Variants in FAM149B1 observed in about 807,000 individuals in gnomAD.
FAM149B1 encodes primary cilium assembly protein FAM149B1.
FAM149B1 carries 56 observed loss-of-function variants against 75.3 expected under a neutral mutation model. That is an observed-to-expected ratio of 0.74 (90% CI 0.60 to 0.93). The LOEUF (loss-of-function observed/expected upper bound fraction) is 0.93. FAM149B1 is among the 40% of genes least tolerant of loss of function. The probability of loss-of-function intolerance (pLI) is 0.00; values close to 1 mark genes in which losing one functional copy is unlikely to be tolerated. For missense variants in FAM149B1, 639 were observed against 708.4 expected (o/e 0.90, Z 1.11); for synonymous variants, 259 against 256.1 (o/e 1.01, Z -0.11).
chr10:73,173,670 C>T (rs1021428852), intron 1 of FAM149B1, among the ~76,000 whole-genome samples: 2 of 152,210 alleles, frequency 1.3e-5, no homozygotes, highest in African/African-American at 4.8e-5. Flanking sequence ...TAATAGCCTA[C>T]TGTTGACTGG....
At chr10:73,191,785 A>G (rs1029209175) in intron 3 of FAM149B1, among the ~76,000 whole-genome samples, 2 of 152,172 alleles carry the variant, frequency 1.3e-5, no homozygotes, top group African/African-American at 2.4e-5. Context: ...TTAGCAATCT[A>G]TCTTTGAACG....
At chr10:73,172,406 A>G (rs1843752930) in intron 1 of FAM149B1, among the ~76,000 whole-genome samples, 1 of 152,236 alleles carries the variant, frequency 6.6e-6, no homozygotes, top group South Asian at 2.1e-4. Context: ...CCAGATTACT[A>G]GGATTTGAAT....
intron 5 of FAM149B1, among the ~76,000 whole-genome samples, chr10:73,197,512 G>A (rs2042834082): frequency 6.6e-6 from 1 of 152,162 alleles, no homozygotes; most frequent in Non-Finnish European, 1.5e-5. Flanking sequence ...GCTCACGCCT[G>A]TAATCCTAGC....
rs1394865485 is a variant in FAM149B1 at position 73,233,290 on chromosome 10, T to C, written c.1352+127T>C. 56 of 706,440 alleles carry C rather than the reference T, an allele frequency of 7.9e-5. 1 individual carries two copies. Among genetic ancestry groups the C allele is most frequent in the Non-Finnish European group, 8.6e-5 (36 of 419,092 alleles). 43.8% of individuals were successfully genotyped at this position (706,440 alleles called of 1,614,324 possible). ...AATCATTAAGTAGTCTTATGACAGA[T>C]TGCCCATGGGTTTAGATCCAACACA... On this transcript the variant is annotated intron_variant, in intron 10 of 13. Transcript: ENST00000242505.
intron 10 of FAM149B1, 23 bp from the exon 11 acceptor site, chr10:73,234,794 G>GT: frequency 1.3e-6 from 2 of 1,550,094 alleles, no homozygotes; most frequent in Non-Finnish European, 1.7e-6. Context: ...TCATACCTTC[G>GT]TGTTTGTTGG....
At chr10:73,183,686 T>C (rs1306561375) in intron 3 of FAM149B1, 2 of 152,098 alleles carry the variant, frequency 1.3e-5, no homozygotes, top group African/African-American at 2.4e-5. Flanking sequence ...CTGGACAAAA[T>C]GGTGAGGTGC....
intron 4 of FAM149B1, 112 bp downstream of exon 4, chr10:73,192,810 T>C: frequency 9.8e-7 from 1 of 1,022,550 alleles, no homozygotes; most frequent in Non-Finnish European, 1.4e-6. Flanking sequence ...CTTTAATGAA[T>C]GTAAATAAGG....
At chr10:73,237,479 C>T (rs1461638530) in intron 12 of FAM149B1, among the ~76,000 whole-genome samples, 8 of 151,710 alleles carry the variant, frequency 5.3e-5, no homozygotes, top group Admixed American at 5.2e-4. Context: ...TGCTGTGGTG[C>T]AATCTCAGCT....
chr10:73,220,360 C>A (rs2043382942), intron 7 of FAM149B1, among the ~76,000 whole-genome samples: 1 of 152,122 alleles, frequency 6.6e-6, no homozygotes, highest in East Asian at 1.9e-4. Flanking sequence ...AACAATTTGG[C>A]AGCTCCTCAG....
chr10:73,205,093 G>T (rs148185796), intron 5 of FAM149B1, among the ~76,000 whole-genome samples: 1,784 of 150,230 alleles, frequency 0.012, 43 homozygotes, highest in African/African-American at 0.041. Context: ...GATTACAGGT[G>T]TGAGCCACCC....
intron 5 of FAM149B1, among the ~76,000 whole-genome samples, chr10:73,206,581 G>A (rs1318265744): frequency 6.6e-6 from 1 of 152,244 alleles, no homozygotes; most frequent in Non-Finnish European, 1.5e-5. Context: ...CAGAGGCCTA[G>A]GAGGGAAGAA....
chr10:73,169,212 C>A (rs1589127181), intron 1 of FAM149B1, among the ~76,000 whole-genome samples: 1 of 150,964 alleles, frequency 6.6e-6, no homozygotes, highest in Non-Finnish European at 1.5e-5. Flanking sequence ...GTAAACCCAG[C>A]TACTTGGGAG....
chr10:73,220,569 G>T (rs1017238496), intron 7 of FAM149B1, among the ~76,000 whole-genome samples: 3 of 152,196 alleles, frequency 2.0e-5, no homozygotes, highest in Non-Finnish European at 4.4e-5. Context: ...GTTGTGGGAT[G>T]AATTGTTTCC....
intron 5 of FAM149B1, among the ~76,000 whole-genome samples, chr10:73,205,554 GT>G (rs200545424): frequency 6.6e-6 from 1 of 151,410 alleles, no homozygotes; most frequent in Non-Finnish European, 1.5e-5. Context: ...TTTTGTTTTT[GT>G]TTTTTTGGGT....
At chr10:73,188,887 A>G (rs567102636) in intron 3 of FAM149B1, among the ~76,000 whole-genome samples, 1 of 151,338 alleles carries the variant, frequency 6.6e-6, no homozygotes, top group African/African-American at 2.4e-5. Context: ...AGCTCTTAAA[A>G]CTCCATATTA....
intron 5 of FAM149B1, among the ~76,000 whole-genome samples, chr10:73,202,959 T>C (rs943791632): frequency 6.6e-6 from 1 of 152,180 alleles, no homozygotes; most frequent in African/African-American, 2.4e-5. Context: ...TGGTTAAGGA[T>C]CTTATCTGTT....
chr10:73,170,697 C>G (rs917954038), intron 1 of FAM149B1, among the ~76,000 whole-genome samples: 2 of 152,008 alleles, frequency 1.3e-5, no homozygotes, highest in East Asian at 3.9e-4. Context: ...AATAAGATAT[C>G]TACATGGTAG....
intron 5 of FAM149B1, among the ~76,000 whole-genome samples, chr10:73,203,779 A>G (rs777623632): frequency 3.9e-5 from 6 of 152,038 alleles, no homozygotes; most frequent in Non-Finnish European, 7.4e-5. Context: ...AGCTGGGACT[A>G]TAGGTGCATG....
At chr10:73,239,719 C>A (rs1156774577) in intron 13 of FAM149B1, among the ~76,000 whole-genome samples, 1 of 150,422 alleles carries the variant, frequency 6.6e-6, no homozygotes, top group African/African-American at 2.5e-5. Context: ...TCAAAATATT[C>A]TTTAAGAACA....
Sources: allele counts gnomAD v4.1 joint callset (sites outside exome capture counted in the v4.1 genomes callset), GRCh38; gene constraint gnomAD v4.1.1; transcripts MANE v1.5; gene names NCBI Gene and HGNC (gene_info 2026-07-23, HGNC 2026-07-21).